Variants in EIF2B3 observed in about 807,000 individuals in gnomAD.
The protein encoded by EIF2B3 is eukaryotic translation initiation factor 2B subunit gamma, also known as translation initiation factor eIF2B subunit gamma.
Under a neutral mutation model 54.1 loss-of-function variants are expected in EIF2B3, and 20 were observed. The ratio of observed to expected loss-of-function variants is 0.37; its 90% CI spans 0.26 to 0.54. The LOEUF (loss-of-function observed/expected upper bound fraction) is 0.54, where lower values mean the gene tolerates loss of function less well. Among genes scored for constraint, EIF2B3 ranks in the 20% least tolerant of loss-of-function variants. The pLI is 0.86. For synonymous variants in EIF2B3, 153 were observed against 188.1 expected (o/e 0.81, Z 1.52); for missense variants, 448 against 547.8 (o/e 0.82, Z 1.82).
rs1569606230 is a variant in EIF2B3, at chr1:44,881,837, T to C, written c.657-98A>G. On this transcript the variant is annotated intron_variant, in intron 6 of 11. Coordinates refer to ENST00000360403, the MANE Select transcript of EIF2B3 (RefSeq NM_020365.5). The surrounding 1 kb of genome is among the most constrained non-coding windows in gnomAD (Gnocchi z 4.0). ...TACAAGGAAAAGCCAAATCCTTTCC[T>C]GTCATGGCACCTTGGGACTGTCAGA... is the stretch of plus-strand genomic sequence containing the variant. The C allele has an allele frequency of 1.3e-6, 2 of 1,507,618 alleles. No individual in the cohort carries two copies. Among genetic ancestry groups the C allele is most frequent in the East Asian group, 4.7e-5 (2 of 42,334 alleles). The allele number at this position is 1,507,618 out of a possible 1,614,324, so 93.4% of individuals were successfully genotyped here.
In EIF2B3 at chr1:44,982,359, C is replaced by T. The variant is rs183890335; in HGVS notation, c.-9-1182G>A. Among the ~76,000 whole-genome samples, 364 of 152,258 alleles carry T rather than the reference C, an allele frequency of 2.4e-3. 2 individuals carry two copies. Among genetic ancestry groups the T allele is most frequent in the African/African-American group, 8.4e-3 (348 of 41,552 alleles). ...TTGTTGCCAGGCTGGAGTGCAATGCCGTGATCTCGGCTCACTGCAACCTCC... is the reference window on the plus strand; with the variant it reads ...TTGTTGCCAGGCTGGAGTGCAATGCTGTGATCTCGGCTCACTGCAACCTCC... On this transcript the variant is annotated intron_variant, in intron 1 of 11. Coordinates refer to ENST00000360403, the MANE Select transcript of EIF2B3 (RefSeq NM_020365.5).
intron 5 of EIF2B3, among the ~76,000 whole-genome samples, chr1:44,913,489 C>T (rs1643557254): frequency 6.8e-6 from 1 of 146,760 alleles, no homozygotes; most frequent in Admixed American, 6.7e-5. Flanking sequence ...GGCCCTGTTG[C>T]CTGTTTTAAT....
At chr1:44,937,276 G>C (rs1643958786) in intron 4 of EIF2B3, 1 of 152,260 alleles carries the variant, frequency 6.6e-6, no homozygotes, top group African/African-American at 2.4e-5. Context: ...GGGGCAAGAA[G>C]AGCTGCCTTT....
intron 3 of EIF2B3, among the ~76,000 whole-genome samples, chr1:44,942,405 A>ATGTGTATATATATACACATATATATG (rs1644039024): frequency 2.2e-4 from 4 of 18,242 alleles, no homozygotes; most frequent in African/African-American, 1.6e-3. Context: ...ATATATATAT[A>ATGTGTATATATATACACATATATATG]TATATATATA....
At chr1:44,958,584 T>C in intron 3 of EIF2B3, 1 of 1,451,684 alleles carries the variant, frequency 6.9e-7, no homozygotes, top group Non-Finnish European at 9.6e-7. Context: ...CATGCTACTT[T>C]GTAATTATCA....
chr1:44,952,620 T>C (rs954694207), intron 3 of EIF2B3, among the ~76,000 whole-genome samples: 2 of 151,288 alleles, frequency 1.3e-5, no homozygotes, highest in Admixed American at 6.6e-5. Flanking sequence ...TGGCGTGATG[T>C]CGGCTCACTG....
chr1:44,917,950 T>G (rs1643660701), intron 5 of EIF2B3, among the ~76,000 whole-genome samples: 1 of 150,778 alleles, frequency 6.6e-6, no homozygotes, highest in African/African-American at 2.4e-5. Flanking sequence ...ATTTTTTGTA[T>G]TTTTAGTAGA....
chr1:44,937,074 T>C (rs1643956243), intron 4 of EIF2B3, among the ~76,000 whole-genome samples: 2 of 152,354 alleles, frequency 1.3e-5, no homozygotes, highest in South Asian at 4.1e-4. Flanking sequence ...TTAAAAATCT[T>C]GAAACCATTT....
chr1:44,981,324 AG>A, intron 1 of EIF2B3, 147 bp from the exon 2 acceptor site: 1 of 823,580 alleles, frequency 1.2e-6, no homozygotes, highest in East Asian at 2.5e-5. Flanking sequence ...CAGTAAGAAA[AG>A]CTTAGCTGCA....
intron 4 of EIF2B3, among the ~76,000 whole-genome samples, chr1:44,939,088 T>A (rs1569785588): frequency 1.1e-5 from 1 of 87,982 alleles, no homozygotes; most frequent in African/African-American, 4.8e-5. Flanking sequence ...GGCAACAGAG[T>A]AAGACCCTGT....
chr1:44,911,690 T>C (rs1168083624), intron 5 of EIF2B3, among the ~76,000 whole-genome samples: 2 of 152,016 alleles, frequency 1.3e-5, no homozygotes, highest in Non-Finnish European at 2.9e-5. Flanking sequence ...TGCTTTTTTG[T>C]TTGTTTGTTT....
chr1:44,913,109 TAAAAAAAAAAAAAAAAA>T (rs552977811), intron 5 of EIF2B3, among the ~76,000 whole-genome samples: 15 of 103,266 alleles, frequency 1.5e-4, no homozygotes, highest in African/African-American at 4.9e-4. Context: ...CGGTTTTTGT[TAAAAAAAAAAAAAAAAA>T]AAAAAAAAGG....
At chr1:44,877,209 A>AC (rs1474104486) in intron 8 of EIF2B3, among the ~76,000 whole-genome samples, 7 of 147,818 alleles carry the variant, frequency 4.7e-5, no homozygotes, top group African/African-American at 7.5e-5. Context: ...AAAAAAAAAA[A>AC]AAAAAAAAAA....
chr1:44,920,616 C>A (rs1197915220), intron 5 of EIF2B3, among the ~76,000 whole-genome samples: 1 of 152,160 alleles, frequency 6.6e-6, no homozygotes, highest in East Asian at 1.9e-4. Context: ...TTAGCTCACA[C>A]AAACAAGTAA....
chr1:44,911,693 GTTTGT>G (rs576546877), intron 5 of EIF2B3, among the ~76,000 whole-genome samples: 37 of 152,054 alleles, frequency 2.4e-4, no homozygotes, highest in Admixed American at 1.5e-3. Flanking sequence ...TTTTTTGTTT[GTTTGT>G]TTTGTTTTGT....
intron 3 of EIF2B3, among the ~76,000 whole-genome samples, chr1:44,946,312 A>G (rs76216445): frequency 0.011 from 1,618 of 152,302 alleles, 33 homozygotes; most frequent in African/African-American, 0.037. Context: ...ACTGAGACCA[A>G]ACACATCTCA....
intron 3 of EIF2B3, 148 bp downstream of exon 3, chr1:44,978,167 G>A: frequency 2.4e-6 from 2 of 847,276 alleles, no homozygotes; most frequent in Non-Finnish European, 1.9e-6. Flanking sequence ...GGAGGTGGAG[G>A]TTGCAGTGAA....
intron 5 of EIF2B3, among the ~76,000 whole-genome samples, chr1:44,900,133 G>GA (rs2148916026): frequency 6.6e-6 from 1 of 152,198 alleles, no homozygotes; most frequent in African/African-American, 2.4e-5. Context: ...GCTAAACACT[G>GA]AATACACATG....
chr1:44,926,793 A>G (rs1569749094), intron 4 of EIF2B3, 54 bp from the exon 5 acceptor site: 1 of 1,415,588 alleles, frequency 7.1e-7, no homozygotes, highest in South Asian at 1.1e-5. Flanking sequence ...CCCTGCCTGT[A>G]TGAATACACC....
Sources: gnomAD v4.1 joint callset for allele counts (sites outside exome capture counted in the v4.1 genomes callset) on GRCh38, gnomAD v4.1.1 for gene constraint, Gnocchi (gnomAD v3.1) non-coding constraint, MANE v1.5 for transcripts, NCBI Gene and HGNC (gene_info 2026-07-23, HGNC 2026-07-21) for gene names.